The following PDE4D variants were observed in gnomAD, a reference collection of about 807,000 sequenced individuals.
The protein encoded by PDE4D is phosphodiesterase 4D, also known as 3',5'-cyclic-AMP phosphodiesterase 4D.
In PDE4D, 24 loss-of-function variants were observed where a neutral mutation model predicts 87.4. The ratio of observed to expected loss-of-function variants is 0.27; its 90% CI spans 0.20 to 0.39. PDE4D has a LOEUF of 0.39. Among genes scored for constraint, PDE4D ranks in the 10% least tolerant of loss-of-function variants. The pLI, the probability that PDE4D is intolerant of heterozygous loss-of-function variation, is 1.00. For synonymous variants in PDE4D, 384 were observed against 383.2 expected, an observed-to-expected ratio of 1.00 and a Z score of -0.02; for missense variants, 714 against 1,041.0, an observed-to-expected ratio of 0.69 and a Z score of 4.32.
In PDE4D at chr5:60,376,375, A is replaced by T. The variant is rs546062323; in HGVS notation, c.-90+111567T>A. Among the ~76,000 whole-genome samples the T allele has an allele frequency of 2.6e-5, 4 of 152,234 alleles. No homozygotes were observed. In the South Asian group the frequency reaches 8.3e-4, roughly 32 times the overall value. Reference sequence around the variant, plus strand: ...TCCCAGCTATTGAGTGACACAGGTAAGACTAAGCCCAAACATTGTGGCCCC... The same window carrying T: ...TCCCAGCTATTGAGTGACACAGGTATGACTAAGCCCAAACATTGTGGCCCC... On this transcript the variant is annotated intron_variant, in intron 1 of 16. Transcript: ENST00000502484.
At chr5:59,418,591 A>G (rs1793994218) in intron 1 of PDE4D, among the ~76,000 whole-genome samples, 1 of 152,176 alleles carries the variant, frequency 6.6e-6, no homozygotes, top group Non-Finnish European at 1.5e-5. Flanking sequence ...CACATGGGAC[A>G]ATATTTAGAG....
chr5:59,493,689 T>G (rs1430204035), intron 1 of PDE4D, among the ~76,000 whole-genome samples: 1 of 152,242 alleles, frequency 6.6e-6, no homozygotes, highest in African/African-American at 2.4e-5. Flanking sequence ...ATAATTACAA[T>G]GTTTTAATGT....
At position 58,975,898 on chromosome 5, in the gene PDE4D, C is replaced by CCAA; in HGVS notation, c.1831-60_1831-59insTTG. On this transcript the variant is annotated intron_variant, in intron 13 of 14. Transcript: ENST00000340635. The surrounding 1 kb of genome is among the most constrained non-coding windows in gnomAD (Gnocchi z 4.2). ...TGTTCCTTTTTTTTAAAAAAAAAAA[C>CCAA]AAAAAAAACTAGAAATTCACATTGG... is the stretch of plus-strand genomic sequence containing the variant. 1.1e-6 allele frequency: 1 copy of CCAA among 875,980 alleles called. No individual in the cohort carries two copies. The allele number at this position is 875,980 out of a possible 1,614,324, so 54.3% of individuals were successfully genotyped here.
chr5:59,350,647 A>G (rs766148053), intron 1 of PDE4D, among the ~76,000 whole-genome samples: 15 of 152,216 alleles, frequency 9.9e-5, no homozygotes, highest in Non-Finnish European at 2.1e-4. Context: ...CAAAGGTGGA[A>G]AAAAGGACAA....
chr5:59,262,777 T>C (rs72765961), intron 1 of PDE4D, among the ~76,000 whole-genome samples: 12,537 of 151,890 alleles, frequency 0.083, 664 homozygotes, highest in Non-Finnish European at 0.12. Context: ...AAATCACCCA[T>C]TGATAGAGTC....
chr5:59,694,111 CT>C (rs1751395700), intron 1 of PDE4D, among the ~76,000 whole-genome samples: 1 of 152,182 alleles, frequency 6.6e-6, no homozygotes, highest in Admixed American at 6.5e-5. Context: ...TTCTTCACCC[CT>C]GTCCAATCCC....
chr5:59,840,990 G>A (rs1360174164), intron 1 of PDE4D, among the ~76,000 whole-genome samples: 1 of 152,030 alleles, frequency 6.6e-6, no homozygotes, highest in Non-Finnish European at 1.5e-5. Context: ...GTCCCAAGGT[G>A]TAGCAAACAC....
At chr5:59,580,059 A>C (rs1823832751) in intron 1 of PDE4D, among the ~76,000 whole-genome samples, 1 of 152,218 alleles carries the variant, frequency 6.6e-6, no homozygotes, top group East Asian at 1.9e-4. Context: ...CCAGGCTGCT[A>C]AATAACAGGG....
intron 1 of PDE4D, among the ~76,000 whole-genome samples, chr5:59,360,477 G>A (rs937286257): frequency 1.3e-5 from 2 of 152,102 alleles, no homozygotes; most frequent in Non-Finnish European, 2.9e-5. Context: ...TGAGGGTGTC[G>A]TTGTAATTCT....
At chr5:59,063,407 C>T (rs1381249671) in intron 5 of PDE4D, 1 of 152,206 alleles carries the variant, frequency 6.6e-6, no homozygotes, top group Non-Finnish European at 1.5e-5. Context: ...TAACAAATCA[C>T]TTGCATTTGC....
At chr5:59,639,671 A>G (rs1379303850) in intron 1 of PDE4D, among the ~76,000 whole-genome samples, 3 of 152,176 alleles carry the variant, frequency 2.0e-5, no homozygotes, top group Non-Finnish European at 4.4e-5. Context: ...GCATCCTAGT[A>G]GAAATGGTCA....
In PDE4D at chr5:59,709,129, G is replaced by A. The variant is rs546207036; in HGVS notation, c.455+184039C>T. On this transcript the variant is annotated intron_variant, in intron 1 of 14. Coordinates refer to ENST00000340635, the MANE Select transcript of PDE4D (RefSeq NM_001104631.2). ...GAGTTGCATGGAAGTAAAGGAACTC[G>A]ACTAAAATGATCAAGCTAGAGACTG... Among the ~76,000 whole-genome samples, 9 of 152,134 alleles carry A rather than the reference G, an allele frequency of 5.9e-5. 1 individual carries two copies. The South Asian group carries it at 1.2e-3, about 21-fold the overall frequency.
chr5:59,899,705 G>GC (rs1237821473), intron 3 of PDE4D, among the ~76,000 whole-genome samples: 1 of 152,100 alleles, frequency 6.6e-6, no homozygotes, highest in Non-Finnish European at 1.5e-5. Flanking sequence ...TGGTAGAGTG[G>GC]CCTGAAGGAA....
chr5:59,304,460 C>T (rs1157127468), intron 1 of PDE4D, among the ~76,000 whole-genome samples: 1 of 152,120 alleles, frequency 6.6e-6, no homozygotes, highest in African/African-American at 2.4e-5. Context: ...GAGTGGGCAT[C>T]ATTGTCTTGT....
intron 2 of PDE4D, among the ~76,000 whole-genome samples, chr5:60,137,360 T>G (rs1438971485): frequency 6.6e-6 from 1 of 152,330 alleles, no homozygotes; most frequent in East Asian, 1.9e-4. Context: ...CCTCTAGGTC[T>G]TTAAGGAATT....
chr5:59,071,256 A>G (rs918624858), intron 5 of PDE4D, among the ~76,000 whole-genome samples: 5 of 152,070 alleles, frequency 3.3e-5, no homozygotes, highest in African/African-American at 1.2e-4. Context: ...CTCTTTTTTA[A>G]TACTTTATAT....
chr5:59,377,334 G>A (rs34553923), intron 1 of PDE4D, among the ~76,000 whole-genome samples: 12,686 of 151,558 alleles, frequency 0.084, 634 homozygotes, highest in Middle Eastern at 0.14. Flanking sequence ...GGAGAACGGC[G>A]TGAACCCAGG....
At chr5:59,390,364 G>A (rs1369777683) in intron 1 of PDE4D, among the ~76,000 whole-genome samples, 2 of 151,958 alleles carry the variant, frequency 1.3e-5, no homozygotes, top group African/African-American at 4.8e-5. Context: ...CTTCACTACT[G>A]TTTGATTTTC....
At chr5:60,357,024 G>T (rs746819969) in intron 1 of PDE4D, among the ~76,000 whole-genome samples, 12 of 152,080 alleles carry the variant, frequency 7.9e-5, no homozygotes, top group Non-Finnish European at 1.6e-4. Flanking sequence ...GGGAAAAAAT[G>T]AGCTTGATAA....
Sources: gnomAD v4.1 joint callset for allele counts (sites outside exome capture counted in the v4.1 genomes callset) on GRCh38, gnomAD v4.1.1 for gene constraint, Gnocchi (gnomAD v3.1) non-coding constraint, MANE v1.5 for transcripts, NCBI Gene and HGNC (gene_info 2026-07-23, HGNC 2026-07-21) for gene names.